SYNE2: variants seen among roughly 807,000 people sequenced by gnomAD.
SYNE2 encodes nesprin-2.
In SYNE2, 431 loss-of-function variants were observed where a neutral mutation model predicts 856.3. That is an observed-to-expected ratio of 0.50 (90% confidence interval 0.47 to 0.55). The LOEUF (loss-of-function observed/expected upper bound fraction) is 0.55, where lower values mean the gene tolerates loss of function less well. SYNE2 is among the 20% of genes least tolerant of loss of function. The pLI is 0.00. For missense variants in SYNE2, 8,129 were observed against 8,023.2 expected, an observed-to-expected ratio of 1.01 and a Z score of -0.50; for synonymous variants, 2,923 against 2,872.3, an observed-to-expected ratio of 1.02 and a Z score of -0.56.
intron 1 of SYNE2, among the ~76,000 whole-genome samples, chr14:63,831,649 G>A (rs1481180151): frequency 6.9e-6 from 1 of 144,406 alleles, no homozygotes; most frequent in African/African-American, 2.6e-5. Flanking sequence ...TCCACCTCCT[G>A]GGTTCAAGTG....
chr14:63,802,335 G>A (rs1888168575), intron 1 of SYNE2, among the ~76,000 whole-genome samples: 1 of 151,316 alleles, frequency 6.6e-6, no homozygotes, highest in Admixed American at 6.6e-5. Context: ...TTGAACTCCA[G>A]CTCTCAGGTG....
intron 96 of SYNE2, 115 bp from the exon 97 acceptor site, chr14:64,186,309 C>CCTCT: frequency 7.3e-7 from 1 of 1,377,502 alleles, no homozygotes; most frequent in Non-Finnish European, 1.0e-6. Context: ...AAGGTCCCTC[C>CCTCT]CTCTCTCCTG....
intron 111 of SYNE2, among the ~76,000 whole-genome samples, chr14:64,221,191 G>C (rs1454581013): frequency 1.3e-5 from 2 of 152,118 alleles, no homozygotes; most frequent in Non-Finnish European, 2.9e-5. Context: ...GCCTAGCTCT[G>C]GCTGTGTCTC....
intron 84 of SYNE2, 109 bp from the exon 85 acceptor site, chr14:64,152,455 T>C (rs577620936): frequency 1.9e-6 from 2 of 1,053,988 alleles, no homozygotes; most frequent in South Asian, 1.5e-5. Flanking sequence ...TATTTAATTA[T>C]ATAATCTAAT....
At chr14:64,213,954 T>C (rs2098654195) in intron 105 of SYNE2, among the ~76,000 whole-genome samples, 1 of 152,242 alleles carries the variant, frequency 6.6e-6, no homozygotes, top group African/African-American at 2.4e-5. Flanking sequence ...CTTCAGCTTT[T>C]TTTTCCTAAG....
intron 85 of SYNE2, among the ~76,000 whole-genome samples, chr14:64,155,591 G>T (rs896411668): frequency 1.3e-5 from 2 of 148,998 alleles, no homozygotes; most frequent in African/African-American, 2.5e-5. Context: ...AAAAAAAAAC[G>T]CAGAAGGCGT....
At chr14:64,203,376 A>T (rs2098587199) in intron 100 of SYNE2, among the ~76,000 whole-genome samples, 1 of 152,226 alleles carries the variant, frequency 6.6e-6, no homozygotes, top group Non-Finnish European at 1.5e-5. Flanking sequence ...TTAAAAAATT[A>T]AAACAAGAAA....
At chr14:64,098,720 C>A (rs750725449) in intron 62 of SYNE2, 27 bp from the exon 63 acceptor site, 9 of 1,611,190 alleles carry the variant, frequency 5.6e-6, no homozygotes, top group Non-Finnish European at 7.6e-6. Context: ...AAGCAGACTG[C>A]AGGTATTCTT....
At position 64,080,615 on chromosome 14, in the gene SYNE2, T is replaced by G; in HGVS notation, c.11323T>G (p.Cys3775Gly). The G allele has an allele frequency of 6.2e-7, 1 of 1,614,052 alleles. No individual in the cohort carries two copies. The highest frequency in any genetic ancestry group is 8.5e-7 in the Non-Finnish European group (1 of 1,179,992). ...QYQQVSQRAE[C>G]RTSQLNKATV... ...TCAGCAAGTATCACAGAGAGCAGAG[T>G]GTAGAACCTCACAGTTGAATAAGGT... The change falls in exon 56 of 116, where the codon TGT becomes GGT. Residue 3775 changes from cysteine (C) to glycine (G), a missense_variant. Cys to Gly is a radical substitution (Grantham distance 159, BLOSUM62 -3). Coordinates refer to ENST00000555002, the MANE Select transcript of SYNE2 (RefSeq NM_182914.3).
intron 1 of SYNE2, among the ~76,000 whole-genome samples, chr14:63,892,955 G>A (rs1313343537): frequency 6.6e-6 from 1 of 151,894 alleles, no homozygotes; most frequent in Non-Finnish European, 1.5e-5. Context: ...TATAAGATCA[G>A]ATATTATATG....
chr14:63,965,911 A>T (rs1025065740), intron 10 of SYNE2, among the ~76,000 whole-genome samples: 1 of 152,152 alleles, frequency 6.6e-6, no homozygotes, highest in African/African-American at 2.4e-5. Context: ...TTGTTCTCAC[A>T]TATGTCTTTG....
intron 19 of SYNE2, 26 bp from the exon 20 acceptor site, chr14:63,990,385 G>C (rs912057992): frequency 6.5e-5 from 104 of 1,607,256 alleles, no homozygotes; most frequent in Non-Finnish European, 8.7e-5. Context: ...TGTTTATTGT[G>C]ATCTCACTTC....
intron 1 of SYNE2, among the ~76,000 whole-genome samples, chr14:63,789,761 G>A (rs1336667250): frequency 3.3e-5 from 5 of 151,294 alleles, no homozygotes; most frequent in Non-Finnish European, 7.4e-5. Flanking sequence ...CTGGGCGACA[G>A]TGAGACTTGT....
chr14:63,787,105 A>T (rs1887559071), intron 1 of SYNE2, among the ~76,000 whole-genome samples: 1 of 152,170 alleles, frequency 6.6e-6, no homozygotes, highest in Non-Finnish European at 1.5e-5. Flanking sequence ...CCGGGTATAC[A>T]TACATGCATA....
At chr14:64,053,682 A>G (rs771036232) in intron 48 of SYNE2, 25 bp downstream of exon 48, 1 of 1,609,996 alleles carries the variant, frequency 6.2e-7, no homozygotes, top group South Asian at 1.1e-5. Context: ...TTATGCAGTT[A>G]GTGGCTGGGT....
At chr14:64,068,044 A>G (rs998578380) in intron 51 of SYNE2, among the ~76,000 whole-genome samples, 11 of 152,172 alleles carry the variant, frequency 7.2e-5, no homozygotes, top group African/African-American at 2.4e-4. Context: ...TTTTATAACC[A>G]ATTTGATTAG....
intron 42 of SYNE2, 97 bp from the exon 43 acceptor site, chr14:64,027,387 T>C (rs1023441271): frequency 3.0e-5 from 23 of 754,394 alleles, no homozygotes; most frequent in Middle Eastern, 3.8e-4. Flanking sequence ...ATTAGTGTTA[T>C]TTTAATGTTT....
chr14:64,002,135 T>C, intron 29 of SYNE2, 54 bp downstream of exon 29: 2 of 1,386,222 alleles, frequency 1.4e-6, no homozygotes, highest in Non-Finnish European at 2.0e-6. Flanking sequence ...TCTTTTGAGA[T>C]TTATAAATCC....
chr14:64,163,516 C>T lies in SYNE2; in HGVS notation c.16414C>T (p.Leu5472=). 6.2e-7 allele frequency: 1 copy of T among 1,614,172 alleles called. No individual in the cohort carries two copies. The highest frequency in any genetic ancestry group is 1.3e-5 in the African/African-American group (1 of 75,054). Residue 5472 remains leucine (L), a synonymous_variant, in exon 89 of 116, where the codon CTG becomes TTG. Transcript: ENST00000555002. ...CACCCACATGCTCCTCCCGGGCCCC[C>T]TGCACTCTCTCCAGAGGGCTGCTTA... is the stretch of plus-strand genomic sequence containing the variant. ...SSTHMLLPGP[L]HSLQRAAYLE... is the part of the protein sequence containing the mutation.
Sources: allele counts gnomAD v4.1 joint callset (sites outside exome capture counted in the v4.1 genomes callset), GRCh38; gene constraint gnomAD v4.1.1; transcripts MANE v1.5; gene names NCBI Gene and HGNC (gene_info 2026-07-23, HGNC 2026-07-21).